LAPTM5: variants seen among roughly 807,000 people sequenced by gnomAD.
LAPTM5 encodes lysosomal-associated transmembrane protein 5.
LAPTM5 carries 11 observed loss-of-function variants against 30.1 expected under a neutral mutation model. The ratio of observed to expected loss-of-function variants is 0.37; its 90% confidence interval spans 0.23 to 0.60. LAPTM5 has a LOEUF of 0.60. Among genes scored for constraint, LAPTM5 ranks in the 20% least tolerant of loss-of-function variants. The probability of loss-of-function intolerance (pLI) is 0.71; values close to 1 mark genes in which losing one functional copy is unlikely to be tolerated. For synonymous variants in LAPTM5, 151 were observed against 137.9 expected, an observed-to-expected ratio of 1.10 and a Z score of -0.67; for missense variants, 324 against 332.5, an observed-to-expected ratio of 0.97 and a Z score of 0.20.
chr1:30,734,808 T>C (rs1438858237), intron 7 of LAPTM5, among the ~76,000 whole-genome samples: 1 of 152,258 alleles, frequency 6.6e-6, no homozygotes, highest in Non-Finnish European at 1.5e-5. Flanking sequence ...AAGGCTTCCC[T>C]GATACCTGAG....
chr1:30,750,220 T>C (rs1218344606), intron 1 of LAPTM5, among the ~76,000 whole-genome samples: 3 of 152,174 alleles, frequency 2.0e-5, no homozygotes, highest in Non-Finnish European at 4.4e-5. Context: ...CAAGGCCCTG[T>C]CATTCTCCAC....
rs936568111 is a variant in LAPTM5, at chr1:30,737,422, C to T, written c.606+182G>A. Among the ~76,000 whole-genome samples the T allele has an allele frequency of 3.3e-5, 5 of 152,096 alleles. No individual in the cohort carries two copies. In the East Asian group the frequency reaches 9.7e-4, roughly 29 times the overall value. On this transcript the variant is annotated intron_variant, in intron 6 of 7. Coordinates refer to ENST00000294507, the MANE Select transcript of LAPTM5 (RefSeq NM_006762.3). ...GATTCACATGCCCTAAATGGGCTGT[C>T]TCGGAGGATCCCAAGTAAAGTCAGA... is the stretch of plus-strand genomic sequence containing the variant.
At position 30,742,276 on chromosome 1, in the gene LAPTM5, G is replaced by A. The variant is rs1161873116; in HGVS notation, c.181+180C>T. On this transcript the variant is annotated intron_variant, in intron 2 of 7. Transcript: ENST00000294507. Reference sequence around the variant, plus strand: ...CACCTGCAGATGTGGGTGGGGTCAGGTGGAACATCCCCATTTGCGGATGAA... The same window carrying A: ...CACCTGCAGATGTGGGTGGGGTCAGATGGAACATCCCCATTTGCGGATGAA... 14 of 599,824 alleles carry A rather than the reference G, an allele frequency of 2.3e-5. No individual in the cohort carries two copies. The East Asian group carries it at 3.3e-4, about 14-fold the overall frequency. The allele number at this position is 599,824 out of a possible 1,614,324, so 37.2% of individuals were successfully genotyped here. A position where few individuals can be genotyped will look rare whatever the true frequency, so the allele number is the denominator to read the frequency against.
chr1:30,754,870 C>A (rs1263370325), intron 1 of LAPTM5, among the ~76,000 whole-genome samples: 1 of 152,226 alleles, frequency 6.6e-6, no homozygotes, highest in Non-Finnish European at 1.5e-5. Flanking sequence ...GAGTCGTCAC[C>A]CATGGCTGGG....
At chr1:30,754,750 T>C (rs1640185347) in intron 1 of LAPTM5, among the ~76,000 whole-genome samples, 1 of 152,174 alleles carries the variant, frequency 6.6e-6, no homozygotes, top group Admixed American at 6.5e-5. Context: ...GCTTCCCTCA[T>C]GTAATAACGC....
rs1482402319 is a variant in LAPTM5 at position 30,740,466 on chromosome 1, AG to A, written c.259-530del. On this transcript the variant is annotated intron_variant, in intron 3 of 7. Transcript: ENST00000294507. The stretch of plus-strand genomic sequence containing the variant: ...GGACCTTCCTCCACCAGCCACTCCC[AG>A]GGGTCCAAAGTCACAGTAAGAGGCC... Among the ~76,000 whole-genome samples the A allele has an allele frequency of 9.6e-5, 10 of 103,680 alleles. No homozygotes were observed. In the Admixed American group the frequency reaches 1.2e-3, roughly 12 times the overall value. The allele number at this position is 103,680 out of a possible 152,430, so 68.0% of individuals were successfully genotyped here.
In LAPTM5 at chr1:30,735,245, C is replaced by T; in HGVS notation, c.627G>A (p.Val209=). The T allele has an allele frequency of 1.2e-6, 2 of 1,614,082 alleles. No individual in the cohort carries two copies. Among genetic ancestry groups the T allele is most frequent in the East Asian group, 4.5e-5 (2 of 44,888 alleles). Residue 209 remains valine (V), a synonymous_variant, in exon 7 of 8, where the codon GTG becomes GTA. Transcript: ENST00000294507. ...ACTTGATCAATCTGTAGCACCGCCACACGCACTTGAACATGTAGACCTGGA... is the reference window on the plus strand; with the variant it reads ...ACTTGATCAATCTGTAGCACCGCCATACGCACTTGAACATGTAGACCTGGA... ...LIFKVYMFKC[V]WRCYRLIKCM... is the part of the protein sequence containing the mutation.
intron 3 of LAPTM5, among the ~76,000 whole-genome samples, chr1:30,740,777 C>A (rs1639959260): frequency 6.6e-6 from 1 of 152,184 alleles, no homozygotes; most frequent in African/African-American, 2.4e-5. Context: ...AACGGCCTCC[C>A]CAGGCAGCAT....
chr1:30,737,686 C>A lies in LAPTM5; in HGVS notation c.524G>T (p.Ser175Ile). Residue 175 changes from serine (S) to isoleucine (I), a missense_variant, in exon 6 of 8, where the codon AGC becomes ATC. By Grantham distance (142) the Ser-to-Ile change is moderately radical. Transcript: ENST00000294507. ...KSMNHMNYLP[S>I]QEDMPHNQFI... Reference sequence around the variant, plus strand: ...CTGGTTATGAGGCATATCCTCCTGGCTGGGGAGGTAATTCTGCAACAGATT... The same window carrying A: ...CTGGTTATGAGGCATATCCTCCTGGATGGGGAGGTAATTCTGCAACAGATT... 6.2e-7 allele frequency: 1 copy of A among 1,612,378 alleles called. No individual in the cohort carries two copies. The highest frequency in any genetic ancestry group is 8.5e-7 in the Non-Finnish European group (1 of 1,178,658).
chr1:30,742,957 G>C (rs988710361), intron 1 of LAPTM5, among the ~76,000 whole-genome samples: 1 of 152,086 alleles, frequency 6.6e-6, no homozygotes, highest in African/African-American at 2.4e-5. Context: ...TGGGGTGGGG[G>C]GTAGAAGCTG....
chr1:30,749,751 A>G (rs973102103), intron 1 of LAPTM5, among the ~76,000 whole-genome samples: 23 of 152,186 alleles, frequency 1.5e-4, no homozygotes, highest in African/African-American at 5.3e-4. Context: ...TGTTCCAGGC[A>G]GAGGAAAGGG....
Position 30,733,259 on chromosome 1 carries a change from T to C in LAPTM5, c.*569A>G, listed in dbSNP as rs1250294677. 5.0e-6 allele frequency: 1 copy of C among 198,856 alleles called. No individual in the cohort carries two copies. Among genetic ancestry groups the C allele is most frequent in the African/African-American group, 2.4e-5 (1 of 42,042 alleles). 12.3% of individuals were successfully genotyped at this position (198,856 alleles called of 1,614,324 possible). ...TTGAATTTCATCACTATTCTGTGTATTCTATTTATCACTATTCTAAATGAC... is the reference window on the plus strand; with the variant it reads ...TTGAATTTCATCACTATTCTGTGTACTCTATTTATCACTATTCTAAATGAC... On this transcript the variant is annotated 3_prime_UTR_variant, in exon 8 of 8. Coordinates refer to ENST00000294507, the MANE Select transcript of LAPTM5 (RefSeq NM_006762.3).
intron 3 of LAPTM5, among the ~76,000 whole-genome samples, chr1:30,740,968 G>A (rs1557462495): frequency 1.3e-5 from 2 of 152,218 alleles, no homozygotes; most frequent in Admixed American, 6.5e-5. Context: ...TATGTGGTGA[G>A]GCCCTGGCTT....
intron 3 of LAPTM5, among the ~76,000 whole-genome samples, chr1:30,740,717 G>A (rs549838532): frequency 5.9e-4 from 90 of 152,112 alleles, no homozygotes; most frequent in Admixed American, 2.5e-3. Context: ...TTCTCTAGCT[G>A]AACCCTTTGA....
intron 1 of LAPTM5, among the ~76,000 whole-genome samples, chr1:30,743,638 A>C (rs1640001908): frequency 6.6e-6 from 1 of 152,108 alleles, no homozygotes; most frequent in Non-Finnish European, 1.5e-5. Context: ...TATAAAGAAC[A>C]AGAAAACTGT....
chr1:30,737,557 ACAGCCT>A (rs1639905586), intron 6 of LAPTM5, 41 bp downstream of exon 6: 2 of 1,438,932 alleles, frequency 1.4e-6, no homozygotes. Flanking sequence ...TGGGCCCAGC[ACAGCCT>A]CACCACCCCT....
At chr1:30,741,560 T>C in intron 3 of LAPTM5, 80 bp downstream of exon 3, 1 of 1,083,448 alleles carries the variant, frequency 9.2e-7, no homozygotes, top group South Asian at 1.8e-5. Context: ...TCCCACCCTC[T>C]CAGCACCCAG....
Position 30,733,463 on chromosome 1 carries a change from C to G in LAPTM5, c.*365G>C. 2.3e-6 allele frequency: 3 copies of G among 1,281,836 alleles called. No homozygotes were observed. Among genetic ancestry groups the G allele is most frequent in the South Asian group, 2.7e-5 (2 of 75,376 alleles). The allele number at this position is 1,281,836 out of a possible 1,614,324, so 79.4% of individuals were successfully genotyped here. A position where few individuals can be genotyped will look rare whatever the true frequency, so the allele number is the denominator to read the frequency against. Reference sequence around the variant, plus strand: ...TGACCAAATTATTTTACTGAACTGACAAGTGGGTTTTTGATTTGTCAGTTG... The same window carrying G: ...TGACCAAATTATTTTACTGAACTGAGAAGTGGGTTTTTGATTTGTCAGTTG... On this transcript the variant is annotated 3_prime_UTR_variant, in exon 8 of 8. Coordinates refer to ENST00000294507, the MANE Select transcript of LAPTM5 (RefSeq NM_006762.3).
chr1:30,735,894 C>A (rs1396285265), intron 6 of LAPTM5, among the ~76,000 whole-genome samples: 1 of 152,034 alleles, frequency 6.6e-6, no homozygotes. Context: ...TGATGGATTC[C>A]CTGATGGGCA....
Sources: gnomAD v4.1 joint callset for allele counts (sites outside exome capture counted in the v4.1 genomes callset) on GRCh38, gnomAD v4.1.1 for gene constraint, MANE v1.5 for transcripts, NCBI Gene and HGNC (gene_info 2026-07-23, HGNC 2026-07-21) for gene names.